APBB1IP: variants seen among roughly 807,000 people sequenced by gnomAD.
The protein encoded by APBB1IP is amyloid beta precursor protein binding family B member 1 interacting protein.
In APBB1IP, 27 loss-of-function variants were observed where a neutral mutation model predicts 64.9. The ratio of observed to expected loss-of-function variants is 0.42; its 90% CI spans 0.31 to 0.57. The LOEUF (loss-of-function observed/expected upper bound fraction) is 0.57. Ranked by LOEUF, APBB1IP falls within the 20% of genes least tolerant of loss-of-function variation. The pLI is 0.20. For missense variants in APBB1IP, 812 were observed against 845.5 expected (o/e 0.96, Z 0.49); for synonymous variants, 392 against 331.0 (o/e 1.18, Z -2.00).
At chr10:26,448,833 C>T (rs750340296) in intron 2 of APBB1IP, among the ~76,000 whole-genome samples, 23 of 152,304 alleles carry the variant, frequency 1.5e-4, no homozygotes, top group Admixed American at 5.2e-4. Context: ...AAACAAATGG[C>T]GAAGCAGGAT....
At chr10:26,498,688 T>C (rs972254817) in intron 4 of APBB1IP, among the ~76,000 whole-genome samples, 8 of 152,202 alleles carry the variant, frequency 5.3e-5, no homozygotes, top group Non-Finnish European at 1.2e-4. Flanking sequence ...TCATCTCAAC[T>C]AACGCTTTCT....
At position 26,441,467 on chromosome 10, in the gene APBB1IP, G is replaced by T. The variant is rs138291731; in HGVS notation, c.-1+2614G>T. Among the ~76,000 whole-genome samples the T allele has an allele frequency of 5.3e-5, 8 of 152,260 alleles. No individual in the cohort carries two copies. In the East Asian group the frequency reaches 7.7e-4, roughly 15 times the overall value. On this transcript the variant is annotated intron_variant, in intron 2 of 14. Coordinates refer to ENST00000376236, the MANE Select transcript of APBB1IP (RefSeq NM_019043.4). The stretch of plus-strand genomic sequence containing the variant: ...GCAGCTTGGAAGGGCAGACCCTGAG[G>T]ACAGCTTTTGGGGGACTAGAGGATG...
At chr10:26,445,128 AAAAGAAAG>A (rs762345104) in intron 2 of APBB1IP, among the ~76,000 whole-genome samples, 18,465 of 101,424 alleles carry the variant, frequency 0.18, 1,622 homozygotes, top group African/African-American at 0.22. Context: ...AGAAAGAAAG[AAAAGAAAG>A]AAAGAAAGAA....
intron 2 of APBB1IP, among the ~76,000 whole-genome samples, chr10:26,477,879 C>T (rs1462698536): frequency 6.6e-6 from 1 of 152,194 alleles, no homozygotes; most frequent in Non-Finnish European, 1.5e-5. Flanking sequence ...CATGCCACCA[C>T]ATCCAACTAA....
chr10:26,442,990 A>C (rs1835352785), intron 2 of APBB1IP, among the ~76,000 whole-genome samples: 2 of 152,342 alleles, frequency 1.3e-5, no homozygotes, highest in South Asian at 4.1e-4. Context: ...CAGTAAAGAC[A>C]GCTTACTTTA....
rs1837062203 is a variant in APBB1IP, at chr10:26,567,248, G to T, written c.1761G>T (p.Pro587=). Residue 587 remains proline (P), a synonymous_variant, in exon 15 of 15, where the codon CCG becomes CCT. Coordinates refer to ENST00000376236, the MANE Select transcript of APBB1IP (RefSeq NM_019043.4). ...EPPPDFVPPP[P]PSYAGIAGSE... is the part of the protein sequence containing the mutation. ...CCCCAGACTTCGTGCCCCCGCCCCCGCCGTCGTACGCAGGGATCGCGGGCT... is the reference window on the plus strand; with the variant it reads ...CCCCAGACTTCGTGCCCCCGCCCCCTCCGTCGTACGCAGGGATCGCGGGCT... 8 of 1,139,636 alleles carry T rather than the reference G, an allele frequency of 7.0e-6. No individual in the cohort carries two copies. Among genetic ancestry groups the T allele is most frequent in the South Asian group, 1.9e-5 (1 of 51,670 alleles). The allele number at this position is 1,139,636 out of a possible 1,614,324, so 70.6% of individuals were successfully genotyped here.
rs1482104882 is a variant in APBB1IP, at chr10:26,567,018, G to T, written c.1531G>T (p.Ala511Ser). Residue 511 changes from alanine (A) to serine (S), a missense_variant, in exon 15 of 15, where the codon GCC becomes TCC. By Grantham distance (99) the Ala-to-Ser change is moderately conservative. This residue lies in a region of APBB1IP where 381 missense variants were observed against 352.1 expected (regional missense o/e 1.08). Coordinates refer to ENST00000376236, the MANE Select transcript of APBB1IP (RefSeq NM_019043.4). ...HDPAVPRAPH[A>S]PKSSLPPPPP... ...CCCGGCAGTGCCCCGGGCCCCGCAC[G>T]CCCCCAAGTCCAGCCTGCCCCCGCC... 2 of 1,565,346 alleles carry T rather than the reference G, an allele frequency of 1.3e-6. No individual in the cohort carries two copies. Among genetic ancestry groups the T allele is most frequent in the Non-Finnish European group, 1.7e-6 (2 of 1,166,598 alleles).
intron 6 of APBB1IP, among the ~76,000 whole-genome samples, chr10:26,508,857 A>G (rs769494429): frequency 4.6e-5 from 7 of 152,182 alleles, no homozygotes; most frequent in Non-Finnish European, 1.0e-4. Flanking sequence ...TTGCCAAATT[A>G]TGTGGTTTAG....
intron 11 of APBB1IP, among the ~76,000 whole-genome samples, chr10:26,542,684 A>G (rs897825895): frequency 2.6e-5 from 4 of 152,102 alleles, no homozygotes; most frequent in Non-Finnish European, 5.9e-5. Flanking sequence ...ACTTATTATA[A>G]TCATCAAATA....
chr10:26,567,100 C>T lies in APBB1IP; in HGVS notation c.1613C>T (p.Ala538Val). 4 of 1,455,890 alleles carry T rather than the reference C, an allele frequency of 2.7e-6. No homozygotes were observed. Among genetic ancestry groups the T allele is most frequent in the Non-Finnish European group, 3.6e-6 (4 of 1,118,734 alleles). 90.2% of individuals were successfully genotyped at this position (1,455,890 alleles called of 1,614,324 possible). Residue 538 changes from alanine (A) to valine (V), a missense_variant, in exon 15 of 15, where the codon GCC becomes GTC. This residue lies in a region of APBB1IP where 381 missense variants were observed against 352.1 expected (regional missense o/e 1.08). Coordinates refer to ENST00000376236, the MANE Select transcript of APBB1IP (RefSeq NM_019043.4). ...GGCAGTCCCGCCACGCCCCTCAAGGCCAAGGGCACAGGCGGCGGGGGCTTG... is the reference window on the plus strand; with the variant it reads ...GGCAGTCCCGCCACGCCCCTCAAGGTCAAGGGCACAGGCGGCGGGGGCTTG... ...TSGSPATPLK[A>V]KGTGGGGLPA...
At chr10:26,507,258 C>T (rs376275280) in intron 6 of APBB1IP, among the ~76,000 whole-genome samples, 63 of 152,152 alleles carry the variant, frequency 4.1e-4, no homozygotes, top group African/African-American at 1.4e-3. Context: ...TTTGGGAGGC[C>T]GAGGCAGGAG....
chr10:26,445,406 A>G (rs1835385719), intron 2 of APBB1IP, among the ~76,000 whole-genome samples: 1 of 152,184 alleles, frequency 6.6e-6, no homozygotes, highest in African/African-American at 2.4e-5. Context: ...AGCCCCATCC[A>G]TAAATTCTTT....
intron 2 of APBB1IP, among the ~76,000 whole-genome samples, chr10:26,470,716 T>C (rs1313315343): frequency 6.6e-6 from 1 of 152,162 alleles, no homozygotes; most frequent in Non-Finnish European, 1.5e-5. Context: ...TTTCCAGACT[T>C]AGTCCCATTG....
chr10:26,558,922 G>T (rs1372962245), intron 11 of APBB1IP, among the ~76,000 whole-genome samples: 1 of 152,212 alleles, frequency 6.6e-6, no homozygotes, highest in Non-Finnish European at 1.5e-5. Flanking sequence ...CCATTGCTTA[G>T]TGCTACTTGC....
chr10:26,506,250 T>TGGGGGGG (rs60855722), intron 6 of APBB1IP, among the ~76,000 whole-genome samples: 2 of 62,390 alleles, frequency 3.2e-5, no homozygotes, highest in African/African-American at 6.9e-5. Flanking sequence ...CGTGTGTGTG[T>TGGGGGGG]GGGGGGGGGG....
chr10:26,518,480 A>G (rs566823251), intron 8 of APBB1IP, among the ~76,000 whole-genome samples: 10 of 152,270 alleles, frequency 6.6e-5, no homozygotes, highest in Admixed American at 2.0e-4. Context: ...GTTTAGTTAT[A>G]GTAGATACTG....
intron 5 of APBB1IP, 102 bp from the exon 6 acceptor site, chr10:26,503,095 T>G: frequency 9.1e-7 from 1 of 1,099,858 alleles, no homozygotes; most frequent in Non-Finnish European, 1.3e-6. Flanking sequence ...ATTTGGTACC[T>G]TTTGTTAATA....
intron 11 of APBB1IP, among the ~76,000 whole-genome samples, chr10:26,555,530 A>G (rs546071442): frequency 2.0e-5 from 3 of 152,312 alleles, no homozygotes; most frequent in Admixed American, 6.5e-5. Flanking sequence ...GTTTACATAC[A>G]TCTCTCCCTA....
chr10:26,521,696 A>G (rs2132453424), intron 8 of APBB1IP, among the ~76,000 whole-genome samples: 2 of 152,312 alleles, frequency 1.3e-5, no homozygotes, highest in East Asian at 3.9e-4. Context: ...GTGCCACCTC[A>G]CACATTTGTT....
Sources: allele counts gnomAD v4.1 joint callset (sites outside exome capture counted in the v4.1 genomes callset), GRCh38; gene constraint gnomAD v4.1.1; regional missense constraint gnomAD v4.1.1; transcripts MANE v1.5; gene names NCBI Gene and HGNC (gene_info 2026-07-23, HGNC 2026-07-21).